Variants in CSMD1 observed in about 807,000 individuals in gnomAD.
The protein encoded by CSMD1 is CUB and Sushi multiple domains 1.
In CSMD1, 213 loss-of-function variants were observed where a neutral mutation model predicts 417.5. The ratio of observed to expected loss-of-function variants is 0.51; its 90% CI spans 0.46 to 0.57. The LOEUF (loss-of-function observed/expected upper bound fraction) is 0.57, where lower values mean the gene tolerates loss of function less well. Among genes scored for constraint, CSMD1 ranks in the 20% least tolerant of loss-of-function variants. The probability of loss-of-function intolerance (pLI) is 0.00; values close to 1 mark genes in which losing one functional copy is unlikely to be tolerated. For missense variants in CSMD1, 6,923 were observed against 4,529.7 expected (o/e 1.53, Z -15.17); for synonymous variants, 2,862 against 1,736.8 (o/e 1.65, Z -16.11).
intron 6 of CSMD1, among the ~76,000 whole-genome samples, chr8:3,713,960 A>G (rs562788413): frequency 2.0e-5 from 3 of 152,134 alleles, no homozygotes; most frequent in Non-Finnish European, 4.4e-5. Context: ...AAGAATATTT[A>G]CTACTATTGG....
intron 2 of CSMD1, among the ~76,000 whole-genome samples, chr8:4,506,625 C>T (rs899635055): frequency 3.3e-5 from 5 of 152,158 alleles, no homozygotes; most frequent in East Asian, 1.9e-4. Flanking sequence ...ACATGAGCAA[C>T]AAACAACCTT....
At chr8:4,787,299 G>A (rs758354747) in intron 1 of CSMD1, 8 of 691,554 alleles carry the variant, frequency 1.2e-5, no homozygotes, top group Non-Finnish European at 1.9e-5. Context: ...CTCACTTACC[G>A]GCGCGGTCGC....
intron 5 of CSMD1, among the ~76,000 whole-genome samples, chr8:3,939,923 G>A (rs142011362): frequency 4.6e-5 from 7 of 152,054 alleles, no homozygotes; most frequent in East Asian, 3.9e-4. Context: ...TAAACTTCTC[G>A]GATGACAGGT....
chr8:3,616,821 A>C (rs749277426), intron 7 of CSMD1, 24 bp from the exon 8 acceptor site: 1 of 1,507,706 alleles, frequency 6.6e-7, no homozygotes, highest in South Asian at 1.2e-5. Flanking sequence ...AAACATTGTC[A>C]AAATGCTGTA....
chr8:3,753,927 T>C lies in CSMD1; in HGVS notation c.931+3A>G, dbSNP rs762880455. The C allele has an allele frequency of 3.1e-6, 5 of 1,596,858 alleles. No individual in the cohort carries two copies. Among genetic ancestry groups the C allele is most frequent in the Admixed American group, 3.3e-5 (2 of 59,854 alleles). On this transcript the variant is annotated splice_donor_region_variant and intron_variant, in intron 6 of 69. Transcript: ENST00000635120. ...TTTTTCTTATAAGATGGAGCATCCT[T>C]ACCTTGGAACTGAGCGTTAAATCCT...
intron 26 of CSMD1, among the ~76,000 whole-genome samples, chr8:3,245,707 AACCACAGCT>A (rs1204806282): frequency 6.6e-6 from 1 of 152,134 alleles, no homozygotes; most frequent in Non-Finnish European, 1.5e-5. Flanking sequence ...CTTCATATAA[AACCACAGCT>A]ACCACAGATG....
chr8:4,085,920 T>C (rs1800394601), intron 3 of CSMD1, among the ~76,000 whole-genome samples: 1 of 152,172 alleles, frequency 6.6e-6, no homozygotes, highest in Non-Finnish European at 1.5e-5. Flanking sequence ...TGCGTAAGGA[T>C]GGAAGGGGGC....
At chr8:4,435,853 C>G (rs142503871) in intron 2 of CSMD1, among the ~76,000 whole-genome samples, 2 of 152,274 alleles carry the variant, frequency 1.3e-5, no homozygotes, top group Non-Finnish European at 2.9e-5. Context: ...AGCTCACCTT[C>G]CAAGTATTAG....
At chr8:4,582,098 T>G (rs1377096422) in intron 2 of CSMD1, among the ~76,000 whole-genome samples, 1 of 152,136 alleles carries the variant, frequency 6.6e-6, no homozygotes, top group Non-Finnish European at 1.5e-5. Context: ...TGTTTTGTTT[T>G]TATTATCTGA....
chr8:3,567,970 G>C (rs1208686196), intron 10 of CSMD1, among the ~76,000 whole-genome samples: 1 of 152,150 alleles, frequency 6.6e-6, no homozygotes, highest in African/African-American at 2.4e-5. Context: ...TGACTGTGCA[G>C]GCATCCAGCA....
At position 4,032,328 on chromosome 8, in the gene CSMD1, G is replaced by C. The variant is rs766170588; in HGVS notation, c.416-229C>G. 5.3e-5 allele frequency among the ~76,000 whole-genome samples: 8 copies of C among 152,270 alleles called. 1 individual carries two copies. In the South Asian group the frequency reaches 1.2e-3, roughly 24 times the overall value. ...CATAAAGTGTAAATAAATGCATTTT[G>C]TTAAGAGAGAAAAATATAGTCCTGC... is the stretch of plus-strand genomic sequence containing the variant. On this transcript the variant is annotated intron_variant, in intron 3 of 69. Transcript: ENST00000635120.
intron 11 of CSMD1, among the ~76,000 whole-genome samples, chr8:3,471,700 T>TCTTCTTTCCTTCCTTC (rs1212577100): frequency 2.0e-5 from 3 of 148,598 alleles, no homozygotes; most frequent in Non-Finnish European, 4.5e-5. Context: ...CTTCTTCCTT[T>TCTTCTTTCCTTCCTTC]CTTCTTTCCT....
intron 1 of CSMD1, among the ~76,000 whole-genome samples, chr8:4,867,718 A>C (rs1231983976): frequency 1.3e-5 from 2 of 152,130 alleles, no homozygotes; most frequent in African/African-American, 4.8e-5. Flanking sequence ...GTAAATTGTC[A>C]AACAAAATGC....
rs1180503099 is a variant in CSMD1, at chr8:4,750,163, GC to G, written c.86-112606del. Among the ~76,000 whole-genome samples the G allele has an allele frequency of 2.0e-5, 3 of 151,862 alleles. No individual in the cohort carries two copies. The East Asian group carries it at 5.8e-4, about 29-fold the overall frequency. Reference sequence around the variant, plus strand: ...TGGGACTACAGGCGCCCGCCACCACGCCCGGCTAATTTTTTTTGTATTTTTA... The same window carrying G: ...TGGGACTACAGGCGCCCGCCACCACGCCGGCTAATTTTTTTTGTATTTTTA... On this transcript the variant is annotated intron_variant, in intron 1 of 69. Coordinates refer to ENST00000635120, the MANE Select transcript of CSMD1 (RefSeq NM_033225.6).
chr8:4,788,129 C>T, intron 1 of CSMD1: 1 of 1,602,480 alleles, frequency 6.2e-7, no homozygotes, highest in Non-Finnish European at 8.5e-7. Flanking sequence ...TGTTGATGGG[C>T]TCTACTTCTG....
At chr8:4,410,317 C>T (rs1796580225) in intron 3 of CSMD1, among the ~76,000 whole-genome samples, 1 of 152,122 alleles carries the variant, frequency 6.6e-6, no homozygotes, top group African/African-American at 2.4e-5. Context: ...GCTTAGTCAC[C>T]AGCACAATGG....
chr8:4,855,313 A>C (rs1563598415), intron 1 of CSMD1, among the ~76,000 whole-genome samples: 1 of 152,096 alleles, frequency 6.6e-6, no homozygotes, highest in Non-Finnish European at 1.5e-5. Context: ...AAAGATGGGG[A>C]AAAAACAGAA....
At chr8:3,885,988 T>TATATATATGTGTAC (rs557256412) in intron 5 of CSMD1, among the ~76,000 whole-genome samples, 4 of 151,972 alleles carry the variant, frequency 2.6e-5, no homozygotes, top group African/African-American at 7.2e-5. Flanking sequence ...ATTCAAATTA[T>TATATATATGTGTAC]ATATATATGT....
chr8:3,637,670 G>A (rs1445387196), intron 7 of CSMD1, among the ~76,000 whole-genome samples: 1 of 152,166 alleles, frequency 6.6e-6, no homozygotes, highest in Non-Finnish European at 1.5e-5. Context: ...ACAATCATAT[G>A]AAACAGGATG....
Sources: gnomAD v4.1 joint callset for allele counts (sites outside exome capture counted in the v4.1 genomes callset) on GRCh38, gnomAD v4.1.1 for gene constraint, MANE v1.5 for transcripts, NCBI Gene and HGNC (gene_info 2026-07-23, HGNC 2026-07-21) for gene names.